COL5A2: variants seen among roughly 807,000 people sequenced by gnomAD.
The protein encoded by COL5A2 is collagen alpha-2(V) chain.
In COL5A2, 23 loss-of-function variants were observed where a neutral mutation model predicts 208.2. The observed-to-expected ratio is 0.11, with a 90% CI of 0.08 to 0.16. The LOEUF (loss-of-function observed/expected upper bound fraction) is 0.16, where lower values mean the gene tolerates loss of function less well. Among genes scored for constraint, COL5A2 ranks in the 10% least tolerant of loss-of-function variants. The probability of loss-of-function intolerance (pLI) is 1.00; values close to 1 mark genes in which losing one functional copy is unlikely to be tolerated. For missense variants in COL5A2, 1,590 were observed against 1,956.4 expected, an observed-to-expected ratio of 0.81 and a Z score of 3.53; for synonymous variants, 625 against 628.5, an observed-to-expected ratio of 0.99 and a Z score of 0.08.
chr2:189,108,680 T>C, intron 2 of COL5A2, among the ~76,000 whole-genome samples: 1 of 151,996 alleles, frequency 6.6e-6, no homozygotes, highest in East Asian at 1.9e-4. Context: ...TATTATATTG[T>C]TATTTGTTCT....
intron 1 of COL5A2, among the ~76,000 whole-genome samples, chr2:189,220,359 A>G (rs1415238540): frequency 2.6e-5 from 4 of 152,156 alleles, no homozygotes; most frequent in Admixed American, 2.6e-4. Context: ...TCCAAAGTCA[A>G]TGTCTTAGTG....
At chr2:189,437,201 G>C in the COL5A2 span, among the ~76,000 whole-genome samples, 2 of 152,156 alleles carry the variant, frequency 1.3e-5, no homozygotes, top group African/African-American at 4.8e-5. Flanking sequence ...GAGATAATTA[G>C]AAATATATGA....
At chr2:189,396,277 A>G in the COL5A2 span, among the ~76,000 whole-genome samples, 8 of 152,250 alleles carry the variant, frequency 5.3e-5, no homozygotes, top group Non-Finnish European at 8.8e-5. Flanking sequence ...CCCAAAGGGT[A>G]CATGCAGACA....
At chr2:189,082,811 G>A (rs767580456) in intron 12 of COL5A2, among the ~76,000 whole-genome samples, 4 of 152,190 alleles carry the variant, frequency 2.6e-5, no homozygotes, top group Non-Finnish European at 4.4e-5. Flanking sequence ...AGTGCAGCAG[G>A]ACATGGGAAG....
chr2:189,383,455 C>G, the COL5A2 span, among the ~76,000 whole-genome samples: 1 of 152,086 alleles, frequency 6.6e-6, no homozygotes, highest in East Asian at 1.9e-4. Flanking sequence ...ATACAGTAAA[C>G]TTGGGTGTCA....
intron 1 of COL5A2, among the ~76,000 whole-genome samples, chr2:189,223,568 C>A (rs1689374648): frequency 6.6e-6 from 1 of 152,102 alleles, no homozygotes; most frequent in Non-Finnish European, 1.5e-5. Flanking sequence ...CAGCAACCGC[C>A]CACGTGTGTA....
chr2:189,266,318 G>A, the COL5A2 span, among the ~76,000 whole-genome samples: 1 of 151,756 alleles, frequency 6.6e-6, no homozygotes, highest in Admixed American at 6.6e-5. Flanking sequence ...CCCAGCTACT[G>A]AAGAGGCTGA....
chr2:189,055,864 T>G (rs1276367415), intron 35 of COL5A2, among the ~76,000 whole-genome samples: 2 of 152,222 alleles, frequency 1.3e-5, no homozygotes, highest in Non-Finnish European at 1.5e-5. Flanking sequence ...AAACTGCCAA[T>G]GCATCGTTCC....
chr2:189,345,070 T>A, the COL5A2 span, among the ~76,000 whole-genome samples: 1 of 152,160 alleles, frequency 6.6e-6, no homozygotes, highest in Admixed American at 6.5e-5. Context: ...AAAGAGGAGT[T>A]GGTCAACAGG....
At chr2:189,066,992 T>C (rs913069433) in intron 21 of COL5A2, among the ~76,000 whole-genome samples, 2 of 152,206 alleles carry the variant, frequency 1.3e-5, no homozygotes, top group African/African-American at 2.4e-5. Context: ...GGAAGCCATT[T>C]AATTTATAGT....
chr2:189,186,707 T>C (rs1227473760), intron 1 of COL5A2, among the ~76,000 whole-genome samples: 7 of 152,138 alleles, frequency 4.6e-5, no homozygotes, highest in Non-Finnish European at 1.0e-4. Flanking sequence ...TTTAAAAAAA[T>C]TACAATATTG....
At chr2:189,293,583 T>A in the COL5A2 span, among the ~76,000 whole-genome samples, 23 of 152,284 alleles carry the variant, frequency 1.5e-4, no homozygotes, top group Non-Finnish European at 3.1e-4. Context: ...AATTAAGTCG[T>A]GAAGGCGAAG....
At chr2:189,146,566 C>G (rs1688043497) in intron 1 of COL5A2, among the ~76,000 whole-genome samples, 1 of 151,880 alleles carries the variant, frequency 6.6e-6, no homozygotes, top group Admixed American at 6.6e-5. Flanking sequence ...ATGATTAAGC[C>G]TAGCATTTGG....
chr2:189,080,108 T>C (rs543496887), intron 13 of COL5A2, 77 bp from the exon 14 acceptor site: 1 of 1,046,630 alleles, frequency 9.6e-7, no homozygotes, highest in African/African-American at 1.6e-5. Context: ...AAAAATAAGC[T>C]TGCAGAAATT....
chr2:189,228,590 T>C (rs1270663197), upstream of COL5A2, among the ~76,000 whole-genome samples: 1 of 151,664 alleles, frequency 6.6e-6, no homozygotes, highest in South Asian at 2.1e-4. Context: ...TAGAAACATA[T>C]AGCCTATCAG....
At chr2:189,271,013 A>G in the COL5A2 span, among the ~76,000 whole-genome samples, 1 of 152,200 alleles carries the variant, frequency 6.6e-6, no homozygotes, top group Non-Finnish European at 1.5e-5. Flanking sequence ...GAGAGGACAC[A>G]AACAAATGGA....
At chr2:189,056,933 T>C in intron 35 of COL5A2, 40 bp downstream of exon 35, 1 of 1,594,488 alleles carries the variant, frequency 6.3e-7, no homozygotes, top group African/African-American at 1.3e-5. Context: ...ACTGTAATGT[T>C]GGTTCCTAGC....
At chr2:189,163,877 G>A (rs1198633693) in intron 1 of COL5A2, among the ~76,000 whole-genome samples, 1 of 152,206 alleles carries the variant, frequency 6.6e-6, no homozygotes, top group East Asian at 1.9e-4. Flanking sequence ...CACCAAGTTA[G>A]TCCATGACAG....
chr2:189,266,456 C>T, the COL5A2 span, among the ~76,000 whole-genome samples: 144,930 of 152,104 alleles, frequency 0.95, 69,079 homozygotes, highest in East Asian at 1. Context: ...AATATAGATA[C>T]ATGCAACCAC....
Sources: allele counts gnomAD v4.1 joint callset (sites outside exome capture counted in the v4.1 genomes callset), GRCh38; gene constraint gnomAD v4.1.1; transcripts MANE v1.5; gene names NCBI Gene and HGNC (gene_info 2026-07-23, HGNC 2026-07-21).